STXBP5L: variants seen among roughly 807,000 people sequenced by gnomAD.
The protein encoded by STXBP5L is syntaxin-binding protein 5-like.
Under a neutral mutation model 144.5 loss-of-function variants are expected in STXBP5L, and 65 were observed. The observed-to-expected ratio is 0.45, with a 90% CI of 0.37 to 0.55. The LOEUF (loss-of-function observed/expected upper bound fraction) is 0.55. Ranked by LOEUF, STXBP5L falls within the 20% of genes least tolerant of loss-of-function variation. The pLI is 0.00. For missense variants in STXBP5L, 1,298 were observed against 1,405.5 expected (o/e 0.92, Z 1.22); for synonymous variants, 505 against 469.6 (o/e 1.08, Z -0.97).
intron 3 of STXBP5L, among the ~76,000 whole-genome samples, chr3:120,964,599 C>A (rs151188205): frequency 6.6e-6 from 1 of 152,078 alleles, no homozygotes; most frequent in Non-Finnish European, 1.5e-5. Flanking sequence ...ATTTCTTAAT[C>A]CTGAGTTCTA....
chr3:121,372,924 A>T (rs1402378379), intron 20 of STXBP5L, among the ~76,000 whole-genome samples: 1 of 152,250 alleles, frequency 6.6e-6, no homozygotes, highest in African/African-American at 2.4e-5. Flanking sequence ...AATTTTAAAA[A>T]TTAAAGCTAT....
At chr3:121,006,635 C>T (rs982025641) in intron 3 of STXBP5L, among the ~76,000 whole-genome samples, 1 of 152,160 alleles carries the variant, frequency 6.6e-6, no homozygotes, top group African/African-American at 2.4e-5. Context: ...GATACAGTTT[C>T]TTCCTAGTAT....
At chr3:121,030,510 C>A (rs777003161) in intron 3 of STXBP5L, among the ~76,000 whole-genome samples, 1 of 152,030 alleles carries the variant, frequency 6.6e-6, no homozygotes, top group Non-Finnish European at 1.5e-5. Context: ...TGGCGAACAT[C>A]ACACACCGGG....
Position 121,182,188 on chromosome 3 carries a change from A to G in STXBP5L, c.878-23735A>G, listed in dbSNP as rs545067965. 3.3e-5 allele frequency among the ~76,000 whole-genome samples: 5 copies of G among 152,324 alleles called. No individual in the cohort carries two copies. In the South Asian group the frequency reaches 1.0e-3, roughly 32 times the overall value. ...GACCAAGTGGACTTAACACATATTT[A>G]CAGAACATTCAACCCAAGTGCAGAA... On this transcript the variant is annotated intron_variant, in intron 9 of 26. Transcript: ENST00000471454.
intron 3 of STXBP5L, among the ~76,000 whole-genome samples, chr3:121,029,637 T>C (rs1245582189): frequency 2.0e-5 from 3 of 152,128 alleles, no homozygotes; most frequent in Admixed American, 6.6e-5. Flanking sequence ...TCTTCGTGAC[T>C]AGAATACCAA....
Position 121,043,448 on chromosome 3 carries a change from C to T in STXBP5L, c.369+1667C>T, listed in dbSNP as rs571396274. Among the ~76,000 whole-genome samples the T allele has an allele frequency of 8.2e-4, 123 of 150,792 alleles. 1 individual carries two copies. In the Middle Eastern group the frequency reaches 0.01, roughly 13 times the overall value. ...AATACTGGCCGGGCGCGGTGGCTCA[C>T]GCCTGTAATCCTAGCACTTTGGGAA... On this transcript the variant is annotated intron_variant, in intron 4 of 26. Coordinates refer to ENST00000471454, the MANE Select transcript of STXBP5L (RefSeq NM_001308330.2).
chr3:121,087,709 G>GT (rs1419452150), intron 5 of STXBP5L, among the ~76,000 whole-genome samples: 6 of 151,410 alleles, frequency 4.0e-5, no homozygotes, highest in Admixed American at 6.6e-5. Context: ...TTTATTTTTT[G>GT]TTTTTTGGTT....
chr3:121,173,566 A>G (rs917659341), intron 9 of STXBP5L, among the ~76,000 whole-genome samples: 5 of 152,046 alleles, frequency 3.3e-5, no homozygotes, highest in Non-Finnish European at 7.4e-5. Context: ...TTAACAACTA[A>G]TAGCCTACTG....
intron 3 of STXBP5L, among the ~76,000 whole-genome samples, chr3:121,024,970 A>G (rs1406301479): frequency 6.6e-6 from 1 of 152,212 alleles, no homozygotes; most frequent in Non-Finnish European, 1.5e-5. Flanking sequence ...TGTATATAAC[A>G]GAATGTTAAA....
At chr3:120,916,949 A>G (rs1709132239) in intron 2 of STXBP5L, among the ~76,000 whole-genome samples, 1 of 152,234 alleles carries the variant, frequency 6.6e-6, no homozygotes, top group Admixed American at 6.5e-5. Flanking sequence ...TATTAGTAGT[A>G]TAATAAATTT....
intron 19 of STXBP5L, among the ~76,000 whole-genome samples, chr3:121,294,805 C>CA (rs2051584126): frequency 6.6e-6 from 1 of 152,012 alleles, no homozygotes. Context: ...AAACAAAAAA[C>CA]CTGGGGAATG....
chr3:120,951,755 C>T (rs1711245391), intron 2 of STXBP5L, among the ~76,000 whole-genome samples: 2 of 152,072 alleles, frequency 1.3e-5, no homozygotes, highest in South Asian at 2.1e-4. Context: ...GGCGATTCCT[C>T]AGGGATCTAG....
chr3:120,924,165 T>G (rs1709493144), intron 2 of STXBP5L, among the ~76,000 whole-genome samples: 1 of 152,210 alleles, frequency 6.6e-6, no homozygotes, highest in Non-Finnish European at 1.5e-5. Context: ...ATCATTATCA[T>G]CTTCAAAAAT....
At chr3:121,064,674 T>G (rs533131876) in intron 5 of STXBP5L, among the ~76,000 whole-genome samples, 1 of 152,278 alleles carries the variant, frequency 6.6e-6, no homozygotes, top group African/African-American at 2.4e-5. Context: ...ATTTATAGAT[T>G]TTTTTGTAGA....
intron 20 of STXBP5L, among the ~76,000 whole-genome samples, chr3:121,320,962 G>A (rs1268291394): frequency 6.6e-6 from 1 of 152,198 alleles, no homozygotes; most frequent in Non-Finnish European, 1.5e-5. Flanking sequence ...GCCTCCCAAA[G>A]TGCTGGGATT....
chr3:121,282,286 C>T (rs2051086764), intron 19 of STXBP5L: 7 of 1,611,822 alleles, frequency 4.3e-6, no homozygotes, highest in Non-Finnish European at 5.9e-6. Flanking sequence ...CATGCGTGGC[C>T]TGTCTAACTT....
chr3:121,243,882 A>G (rs1203649437), intron 14 of STXBP5L, among the ~76,000 whole-genome samples: 1 of 152,150 alleles, frequency 6.6e-6, no homozygotes, highest in Non-Finnish European at 1.5e-5. Flanking sequence ...CATTTGGTGA[A>G]TTTATTTTTT....
chr3:121,124,252 A>T (rs958316541), intron 7 of STXBP5L, among the ~76,000 whole-genome samples: 3 of 151,842 alleles, frequency 2.0e-5, no homozygotes, highest in Non-Finnish European at 4.4e-5. Flanking sequence ...ATATCTGGTA[A>T]GCTGGTCCCT....
chr3:121,031,689 G>T (rs1320556579), intron 3 of STXBP5L, among the ~76,000 whole-genome samples: 3 of 152,058 alleles, frequency 2.0e-5, no homozygotes, highest in Non-Finnish European at 4.4e-5. Flanking sequence ...TTCATAGCAA[G>T]ATTTAGACTG....
Sources: allele counts gnomAD v4.1 joint callset (sites outside exome capture counted in the v4.1 genomes callset), GRCh38; gene constraint gnomAD v4.1.1; transcripts MANE v1.5; gene names NCBI Gene and HGNC (gene_info 2026-07-23, HGNC 2026-07-21).